The following TSEN15 variants were observed in gnomAD, a reference collection of about 807,000 sequenced individuals.
The protein encoded by TSEN15 is tRNA splicing endonuclease subunit 15, also known as tRNA-splicing endonuclease subunit Sen15.
Under a neutral mutation model 20.5 loss-of-function variants are expected in TSEN15, and 10 were observed. That is an observed-to-expected ratio of 0.49 (90% CI 0.30 to 0.83). The LOEUF is 0.83. Ranked by LOEUF, TSEN15 falls within the 40% of genes least tolerant of loss-of-function variation. The pLI is 0.06. For missense variants in TSEN15, 180 were observed against 218.6 expected (o/e 0.82, Z 1.11); for synonymous variants, 72 against 80.1 (o/e 0.90, Z 0.54).
At chr1:184,062,902 A>G (rs902802493) in intron 3 of TSEN15, among the ~76,000 whole-genome samples, 3 of 152,140 alleles carry the variant, frequency 2.0e-5, no homozygotes, top group East Asian at 3.8e-4. Context: ...AGCTGAGCGA[A>G]GTGAAATGTC....
At chr1:184,076,628 G>C (rs1379282498), downstream of TSEN15, among the ~76,000 whole-genome samples, 1 of 152,132 alleles carries the variant, frequency 6.6e-6, no homozygotes, top group Non-Finnish European at 1.5e-5. Flanking sequence ...CAAAAACTAG[G>C]CCTCTTGTGC....
intron 4 of TSEN15, 44 bp downstream of exon 4, chr1:184,072,342 A>G (rs767166549): frequency 1.3e-6 from 2 of 1,560,188 alleles, no homozygotes; most frequent in Non-Finnish European, 1.7e-6. Context: ...AAAAAGAGGA[A>G]AATTATGACG....
At chr1:184,067,450 C>A (rs1650710715) in intron 3 of TSEN15, among the ~76,000 whole-genome samples, 2 of 152,160 alleles carry the variant, frequency 1.3e-5, no homozygotes, top group South Asian at 4.1e-4. Context: ...ATTGGTATAT[C>A]CCTGGGGTCT....
chr1:184,060,338 T>C (rs1336568513), intron 3 of TSEN15, among the ~76,000 whole-genome samples: 3 of 152,232 alleles, frequency 2.0e-5, no homozygotes, highest in African/African-American at 7.2e-5. Context: ...GTTCAAGGCT[T>C]GGCGAACAAT....
intron 3 of TSEN15, chr1:184,095,127 C>G (rs989883930): frequency 2.0e-5 from 8 of 398,462 alleles, no homozygotes; most frequent in Non-Finnish European, 3.1e-5. Flanking sequence ...CTCCCCAGAA[C>G]TCAGCAGAGT....
intron 3 of TSEN15, among the ~76,000 whole-genome samples, chr1:184,060,869 C>T (rs920217663): frequency 6.6e-6 from 1 of 152,120 alleles, no homozygotes; most frequent in Non-Finnish European, 1.5e-5. Context: ...CGGAAAACCA[C>T]ACAATACCAA....
At chr1:184,080,555 T>C (rs879549160) in intron 3 of TSEN15, among the ~76,000 whole-genome samples, 1 of 152,224 alleles carries the variant, frequency 6.6e-6, no homozygotes, top group Non-Finnish European at 1.5e-5. Context: ...TACATTATCC[T>C]CTGATACTTG....
rs540111288 is a variant in TSEN15 at position 184,082,697 on chromosome 1, C to A, written c.354-12993C>A. On this transcript the variant is annotated intron_variant, in intron 3 of 3. Coordinates refer to the TSEN15 transcript ENST00000643231. Reference sequence around the variant, plus strand: ...CACTTTTGCTACTTTTTATCCCCAACAGGTTTTTTCCCCTAGGTTTATTTT... The same window carrying A: ...CACTTTTGCTACTTTTTATCCCCAAAAGGTTTTTTCCCCTAGGTTTATTTT... 2.0e-5 allele frequency among the ~76,000 whole-genome samples: 3 copies of A among 152,272 alleles called. No individual in the cohort carries two copies. In the South Asian group the frequency reaches 6.2e-4, roughly 32 times the overall value.
intron 3 of TSEN15, 54 bp from the exon 4 acceptor site, chr1:184,072,103 T>A (rs1035842888): frequency 1.4e-5 from 22 of 1,569,156 alleles, no homozygotes; most frequent in Non-Finnish European, 1.8e-5. Context: ...TTCTGTCACA[T>A]CTCATCTAAT....
chr1:184,060,978 A>G (rs1557880277), intron 3 of TSEN15, among the ~76,000 whole-genome samples: 1 of 152,168 alleles, frequency 6.6e-6, no homozygotes, highest in Non-Finnish European at 1.5e-5. Flanking sequence ...AAACTTTTCA[A>G]TGTGCCCCAT....
At chr1:184,060,641 C>T (rs1650418443) in intron 3 of TSEN15, among the ~76,000 whole-genome samples, 1 of 152,178 alleles carries the variant, frequency 6.6e-6, no homozygotes, top group Non-Finnish European at 1.5e-5. Context: ...TAAATCAGCA[C>T]CAAAATCCCT....
intron 3 of TSEN15, chr1:184,094,109 C>G (rs185727699): frequency 1.3e-5 from 2 of 152,074 alleles, no homozygotes; most frequent in African/African-American, 2.4e-5. Flanking sequence ...TTCATGCCCC[C>G]CCTCCGAATC....
intron 1 of TSEN15, 129 bp downstream of exon 1, chr1:184,052,019 C>T (rs1650071090): frequency 9.9e-7 from 1 of 1,011,480 alleles, no homozygotes; most frequent in South Asian, 3.5e-5. Flanking sequence ...CGAGGGGGAC[C>T]GGTGTGCACA....
At chr1:184,076,392 G>C (rs1651062476), downstream of TSEN15, among the ~76,000 whole-genome samples, 1 of 152,040 alleles carries the variant, frequency 6.6e-6, no homozygotes, top group South Asian at 2.1e-4. Flanking sequence ...TAAATGTTAT[G>C]TGTGTTCTGA....
At chr1:184,090,402 C>T (rs1651336675) in intron 3 of TSEN15, among the ~76,000 whole-genome samples, 1 of 152,040 alleles carries the variant, frequency 6.6e-6, no homozygotes, top group Admixed American at 6.5e-5. Flanking sequence ...GTGGTGTTTC[C>T]ATGTCTGGTT....
chr1:184,089,218 T>C (rs1201511949), intron 3 of TSEN15, among the ~76,000 whole-genome samples: 2 of 152,220 alleles, frequency 1.3e-5, no homozygotes, highest in Non-Finnish European at 2.9e-5. Flanking sequence ...AGTCCACCAG[T>C]CTTTGATATC....
intron 3 of TSEN15, among the ~76,000 whole-genome samples, chr1:184,080,638 G>T (rs995443330): frequency 6.6e-6 from 1 of 152,120 alleles, no homozygotes; most frequent in African/African-American, 2.4e-5. Context: ...TATATTTACA[G>T]AGTTTTATTC....
chr1:184,080,281 C>T (rs965528318), intron 3 of TSEN15, among the ~76,000 whole-genome samples: 1 of 152,176 alleles, frequency 6.6e-6, no homozygotes, highest in Non-Finnish European at 1.5e-5. Flanking sequence ...ATGTTACTTA[C>T]ATGTTATTAA....
chr1:184,062,181 A>G (rs1650481263), intron 3 of TSEN15, among the ~76,000 whole-genome samples: 1 of 152,150 alleles, frequency 6.6e-6, no homozygotes, highest in African/African-American at 2.4e-5. Flanking sequence ...TCATCTAAAA[A>G]TACTTCCTAA....
Sources: gnomAD v4.1 joint callset for allele counts (sites outside exome capture counted in the v4.1 genomes callset) on GRCh38, gnomAD v4.1.1 for gene constraint, MANE v1.5 for transcripts, NCBI Gene and HGNC (gene_info 2026-07-23, HGNC 2026-07-21) for gene names.